The following MYO5B variants were observed in gnomAD, a reference collection of about 807,000 sequenced individuals.
MYO5B encodes the protein unconventional myosin-Vb.
Under a neutral mutation model 229.3 loss-of-function variants are expected in MYO5B, and 143 were observed. That is an observed-to-expected ratio of 0.62 (90% CI 0.54 to 0.72). The LOEUF (loss-of-function observed/expected upper bound fraction) is 0.72. Ranked by LOEUF, MYO5B falls within the 30% of genes least tolerant of loss-of-function variation. The pLI is 0.00. For missense variants in MYO5B, 2,321 were observed against 2,331.0 expected (o/e 1.00, Z 0.09); for synonymous variants, 918 against 885.2 (o/e 1.04, Z -0.66).
At chr18:49,936,120 A>G (rs1263040785) in intron 16 of MYO5B, 132 bp downstream of exon 16, 1 of 755,554 alleles carries the variant, frequency 1.3e-6, no homozygotes, top group African/African-American at 1.7e-5. Context: ...AGCAAGTAAG[A>G]TGTCTGGGGA....
At chr18:49,928,818 C>A (rs1464474162) in intron 17 of MYO5B, among the ~76,000 whole-genome samples, 2 of 152,176 alleles carry the variant, frequency 1.3e-5, no homozygotes, top group African/African-American at 4.8e-5. Context: ...GCATTCACAG[C>A]AACCTGGATG....
chr18:49,985,471 G>A (rs1373251440), intron 7 of MYO5B, among the ~76,000 whole-genome samples: 1 of 152,188 alleles, frequency 6.6e-6, no homozygotes, highest in Admixed American at 6.5e-5. Context: ...CTTAGAAGAG[G>A]ACACAAATGC....
At chr18:49,940,694 A>G (rs1483917421) in intron 14 of MYO5B, among the ~76,000 whole-genome samples, 1 of 152,196 alleles carries the variant, frequency 6.6e-6, no homozygotes, top group Non-Finnish European at 1.5e-5. Flanking sequence ...GGCCTTTTGG[A>G]TAAGATCAAG....
chr18:50,133,012 A>G (rs977591452), intron 1 of MYO5B, among the ~76,000 whole-genome samples: 2 of 152,200 alleles, frequency 1.3e-5, no homozygotes, highest in African/African-American at 4.8e-5. Context: ...CCAAGTTCAT[A>G]GTTTTTTGCT....
chr18:50,009,016 A>G (rs2026133234), intron 4 of MYO5B, among the ~76,000 whole-genome samples: 1 of 152,222 alleles, frequency 6.6e-6, no homozygotes, highest in Non-Finnish European at 1.5e-5. Context: ...GAGTATTAAT[A>G]CTTGGAAGAC....
chr18:49,895,104 C>T lies in MYO5B; in HGVS notation c.2882G>A (p.Arg961Gln), dbSNP rs770979977. 1.4e-5 allele frequency: 23 copies of T among 1,614,058 alleles called. No individual in the cohort carries two copies. The Middle Eastern group carries it at 6.6e-4, about 46-fold the overall frequency. ...GTAGTGCACCAGCTCCTTCTTCAGC[C>T]GCTCTACCTCCATGGTGTATGTTGA... ...TTSTYTMEVE[R>Q]LKKELVHYQQ... The change falls in exon 22 of 40, where the codon CGG (arginine) becomes CAG (glutamine). Residue 961 changes from arginine to glutamine, a missense_variant. This residue lies in a region of MYO5B where 2,113 missense variants were observed against 2,044.7 expected (regional missense o/e 1.03). Transcript: ENST00000285039.
intron 31 of MYO5B, chr18:49,850,840 C>G (rs898365198): frequency 3.9e-5 from 6 of 152,708 alleles, no homozygotes; most frequent in African/African-American, 1.4e-4. Context: ...CTGTCCAGAT[C>G]CAACCCCACT....
intron 14 of MYO5B, among the ~76,000 whole-genome samples, chr18:49,948,957 G>C (rs189081786): frequency 6.6e-6 from 1 of 152,210 alleles, no homozygotes; most frequent in Non-Finnish European, 1.5e-5. Context: ...GGATCTCTGA[G>C]ATTCAGAGGT....
chr18:50,039,126 G>A (rs888766058), intron 3 of MYO5B, among the ~76,000 whole-genome samples: 3 of 151,792 alleles, frequency 2.0e-5, no homozygotes, highest in Non-Finnish European at 4.4e-5. Flanking sequence ...CATGCGAGGC[G>A]TTCCCTCCCG....
At chr18:50,157,353 A>C (rs1051431314) in intron 1 of MYO5B, among the ~76,000 whole-genome samples, 1 of 152,096 alleles carries the variant, frequency 6.6e-6, no homozygotes, top group Non-Finnish European at 1.5e-5. Flanking sequence ...TGATTCATCT[A>C]CCTCGGCCTG....
At chr18:49,939,502 G>C (rs12458392) in intron 14 of MYO5B, among the ~76,000 whole-genome samples, 39,015 of 152,140 alleles carry the variant, frequency 0.26, 5,564 homozygotes, top group Middle Eastern at 0.37. Flanking sequence ...TTGTATTTTT[G>C]ATCTGAAGAA....
At chr18:50,173,964 G>C (rs780098609) in intron 1 of MYO5B, among the ~76,000 whole-genome samples, 2 of 152,134 alleles carry the variant, frequency 1.3e-5, no homozygotes, top group African/African-American at 4.8e-5. Context: ...GGCGTTTCTG[G>C]AAGAGATTGG....
chr18:50,084,106 A>G (rs1487184658), intron 1 of MYO5B, among the ~76,000 whole-genome samples: 1 of 152,168 alleles, frequency 6.6e-6, no homozygotes, highest in Non-Finnish European at 1.5e-5. Context: ...AATATCTGGC[A>G]CCTAGTTGCT....
At chr18:50,130,555 G>A (rs1400553662) in intron 1 of MYO5B, among the ~76,000 whole-genome samples, 1 of 152,184 alleles carries the variant, frequency 6.6e-6, no homozygotes, top group East Asian at 1.9e-4. Flanking sequence ...CAAGAAGAAT[G>A]AGAACGAGCA....
At chr18:49,852,574 G>T (rs1025593499) in intron 31 of MYO5B, among the ~76,000 whole-genome samples, 1 of 152,094 alleles carries the variant, frequency 6.6e-6, no homozygotes, top group Non-Finnish European at 1.5e-5. Flanking sequence ...AGCCATGGCC[G>T]GACTCCTGGA....
intron 22 of MYO5B, among the ~76,000 whole-genome samples, chr18:49,892,162 C>T (rs187367489): frequency 5.3e-5 from 8 of 152,340 alleles, no homozygotes; most frequent in African/African-American, 9.6e-5. Context: ...GCATAGGGAT[C>T]GCTGAAGCTT....
At chr18:49,971,078 G>A (rs940541196) in intron 10 of MYO5B, 20 of 152,244 alleles carry the variant, frequency 1.3e-4, no homozygotes, top group African/African-American at 4.3e-4. Flanking sequence ...TGGACAGATG[G>A]TCTTCTCCTC....
intron 12 of MYO5B, among the ~76,000 whole-genome samples, chr18:49,961,039 C>G (rs1176042739): frequency 6.6e-6 from 1 of 152,154 alleles, no homozygotes; most frequent in African/African-American, 2.4e-5. Flanking sequence ...TGATGGGAAT[C>G]TCAAAAGAGA....
At chr18:50,137,122 C>T (rs115224292) in intron 1 of MYO5B, among the ~76,000 whole-genome samples, 434 of 40,250 alleles carry the variant, frequency 0.011, 3 homozygotes, top group African/African-American at 0.03. Flanking sequence ...ACACAAGTTT[C>T]AAGCATTGCA....
Sources: gnomAD v4.1 joint callset for allele counts (sites outside exome capture counted in the v4.1 genomes callset) on GRCh38, gnomAD v4.1.1 for gene constraint, gnomAD v4.1.1 regional missense constraint, MANE v1.5 for transcripts, NCBI Gene and HGNC (gene_info 2026-07-23, HGNC 2026-07-21) for gene names.